Variants in DENND4C observed in about 807,000 individuals in gnomAD.
The protein encoded by DENND4C is DENN domain-containing protein 4C.
In DENND4C, 108 loss-of-function variants were observed where a neutral mutation model predicts 203.0. The ratio of observed to expected loss-of-function variants is 0.53; its 90% CI spans 0.46 to 0.62. The LOEUF (loss-of-function observed/expected upper bound fraction) is 0.62. Ranked by LOEUF, DENND4C falls within the 20% of genes least tolerant of loss-of-function variation. The pLI is 0.00. For synonymous variants in DENND4C, 871 were observed against 792.4 expected, an observed-to-expected ratio of 1.10 and a Z score of -1.67; for missense variants, 2,481 against 2,301.2, an observed-to-expected ratio of 1.08 and a Z score of -1.60.
Position 19,319,403 on chromosome 9 carries a change from T to TACACACATATATATATACATATATATAC in DENND4C, c.1807+2591_1807+2592insCACACACATATATATATACATATATATA, listed in dbSNP as rs1554634128. Among the ~76,000 whole-genome samples, 79 of 142,254 alleles carry TACACACATATATATATACATATATATAC rather than the reference T, an allele frequency of 5.6e-4. 1 individual carries two copies. The highest frequency in any genetic ancestry group is 3.6e-3 in the Middle Eastern group (1 of 276). The allele number at this position is 142,254 out of a possible 152,430, so 93.3% of individuals were successfully genotyped here. A position where few individuals can be genotyped will look rare whatever the true frequency, so the allele number is the denominator to read the frequency against. On this transcript the variant is annotated intron_variant, in intron 12 of 32. Transcript: ENST00000434457. The stretch of plus-strand genomic sequence containing the variant: ...ATACATATATATATACATATATATA[T>TACACACATATATATATACATATATATAC]ACACACATATATATATACATATATA...
In DENND4C at chr9:19,324,485, T is replaced by A. The variant is rs1248224437; in HGVS notation, c.1931T>A (p.Phe644Tyr). ...AGTGATAAAGATACTGGATTAGCAT[T>A]TTTTGATGACTGCATAGAAAAGGTA... ...FVSDKDTGLAFFDDCIEKLFP... is the reference protein window; with the variant it reads ...FVSDKDTGLAYFDDCIEKLFP... Residue 644 changes from phenylalanine to tyrosine, a missense_variant, in exon 13 of 33, where the codon TTT becomes TAT. By Grantham distance (22) the Phe-to-Tyr change is conservative. Transcript: ENST00000434457. 1.2e-6 allele frequency: 2 copies of A among 1,607,052 alleles called. No homozygotes were observed. The highest frequency in any genetic ancestry group is 3.5e-5 in the Admixed American group (2 of 57,056).
At chr9:19,339,049 A>T (rs1821070434) in intron 20 of DENND4C, among the ~76,000 whole-genome samples, 1 of 152,230 alleles carries the variant, frequency 6.6e-6, no homozygotes, top group Admixed American at 6.5e-5. Context: ...AGAATAATAC[A>T]GAAAACTCTC....
chr9:19,295,473 C>T (rs772152377), intron 5 of DENND4C, among the ~76,000 whole-genome samples: 105 of 151,762 alleles, frequency 6.9e-4, no homozygotes, highest in Non-Finnish European at 1.3e-3. Context: ...CCACTGTACT[C>T]CAGCCTGGGT....
chr9:19,313,547 C>G (rs1358260410), intron 10 of DENND4C, among the ~76,000 whole-genome samples: 1 of 152,162 alleles, frequency 6.6e-6, no homozygotes, highest in Non-Finnish European at 1.5e-5. Context: ...AAATATTAGA[C>G]AGCGATTACA....
At position 19,296,119 on chromosome 9, in the gene DENND4C, A is replaced by C; in HGVS notation, c.913A>C (p.Lys305Gln). The C allele has an allele frequency of 6.2e-7, 1 of 1,614,080 alleles. No homozygotes were observed. The change falls in exon 6 of 33, where the codon AAA (lysine) becomes CAA (glutamine). Residue 305 changes from lysine to glutamine, a missense_variant. By Grantham distance (53) the Lys-to-Gln change is moderately conservative (BLOSUM62 1). This residue lies in a region of DENND4C where 2,289 missense variants were observed against 2,113.3 expected (regional missense o/e 1.08). Transcript: ENST00000434457. ...LTPVERKMVS[K>Q]SINTNKCICL... ...GCCTGTGGAGAGAAAAATGGTCTCC[A>C]AATCCATCAATACAAACAAATGCAT...
At chr9:19,276,066 T>G in intron 1 of DENND4C, 92 bp from the exon 2 acceptor site, 1 of 553,346 alleles carries the variant, frequency 1.8e-6, no homozygotes, top group Non-Finnish European at 2.7e-6. Context: ...CTGGGAAGTG[T>G]GCTAGTTGAT....
intron 23 of DENND4C, among the ~76,000 whole-genome samples, chr9:19,349,127 G>C (rs956944655): frequency 6.6e-6 from 1 of 152,112 alleles, no homozygotes; most frequent in Non-Finnish European, 1.5e-5. Flanking sequence ...TTTTATTGAG[G>C]TTGGTTATGA....
intron 5 of DENND4C, 130 bp downstream of exon 5, chr9:19,291,006 A>G: frequency 1.1e-6 from 1 of 872,024 alleles, no homozygotes; most frequent in Non-Finnish European, 1.7e-6. Context: ...TTACACTGTC[A>G]TCCCCAAGGT....
At chr9:19,275,815 C>T (rs1012453287) in intron 1 of DENND4C, among the ~76,000 whole-genome samples, 2 of 152,062 alleles carry the variant, frequency 1.3e-5, no homozygotes. Flanking sequence ...CCAGGTTGGG[C>T]ACACTGGTCG....
intron 1 of DENND4C, among the ~76,000 whole-genome samples, chr9:19,269,912 A>T (rs182879082): frequency 4.6e-5 from 7 of 152,124 alleles, no homozygotes; most frequent in Non-Finnish European, 1.0e-4. Flanking sequence ...AAGCTTTCCA[A>T]GTATTCAAAG....
chr9:19,370,014 C>T, intron 31 of DENND4C, 27 bp downstream of exon 31: 1 of 1,608,206 alleles, frequency 6.2e-7, no homozygotes, highest in South Asian at 1.1e-5. Context: ...TTTTGCTTGC[C>T]ACCACTCAGT....
chr9:19,336,775 A>T lies in DENND4C; in HGVS notation c.2824A>T (p.Thr942Ser). ...SSNDANNGEH[T>S]VFVRDLIRLE... ...TAATGATGCTAACAATGGGGAGCAC[A>T]CAGTCTTCGTCAGAGATTTAATCAG... Residue 942 changes from threonine (T) to serine (S), a missense_variant, in exon 20 of 33, where the codon ACA becomes TCA. Thr to Ser is a moderately conservative substitution (Grantham distance 58). Around this residue, in one of 3 missense-constraint regions of DENND4C, gnomAD observed 2,289 missense variants for 2,113.3 expected, o/e 1.08. Transcript: ENST00000434457. The T allele has an allele frequency of 1.3e-6, 2 of 1,550,918 alleles. No homozygotes were observed. Among genetic ancestry groups the T allele is most frequent in the Non-Finnish European group, 1.7e-6 (2 of 1,147,030 alleles).
chr9:19,372,337 A>T lies in DENND4C; in HGVS notation c.*164A>T, dbSNP rs1015329935. ...TATGATTCATATTGCATTACCTTGA[A>T]ATATGAAGTGCCATTTGAATGTCCC... On this transcript the variant is annotated 3_prime_UTR_variant, in exon 33 of 33. Coordinates refer to ENST00000434457, the MANE Select transcript of DENND4C (RefSeq NM_001330640.2). 1 of 829,608 alleles carries T rather than the reference A, an allele frequency of 1.2e-6. No individual in the cohort carries two copies. The highest frequency in any genetic ancestry group is 1.8e-6 in the Non-Finnish European group (1 of 560,536). 51.4% of individuals were successfully genotyped at this position (829,608 alleles called of 1,614,324 possible).
intron 1 of DENND4C, among the ~76,000 whole-genome samples, chr9:19,250,833 G>A (rs898349385): frequency 6.6e-6 from 1 of 152,216 alleles, no homozygotes; most frequent in Non-Finnish European, 1.5e-5. Context: ...TGCAAGAAGT[G>A]GGTTCCCATG....
At chr9:19,322,701 C>T (rs941705394) in intron 12 of DENND4C, among the ~76,000 whole-genome samples, 2 of 138,068 alleles carry the variant, frequency 1.4e-5, no homozygotes, top group Admixed American at 1.6e-4. Context: ...GACTGCACTC[C>T]AGCCTGGGCA....
intron 2 of DENND4C, among the ~76,000 whole-genome samples, chr9:19,283,901 A>G (rs1395874105): frequency 6.6e-6 from 1 of 152,050 alleles, no homozygotes; most frequent in East Asian, 1.9e-4. Flanking sequence ...GCCCAGATGC[A>G]TTTCTTGAGA....
chr9:19,335,723 GTATA>G (rs1475203084), intron 18 of DENND4C, among the ~76,000 whole-genome samples: 1 of 151,980 alleles, frequency 6.6e-6, no homozygotes, highest in Non-Finnish European at 1.5e-5. Context: ...ATCTCGTTGT[GTATA>G]TATACCACAT....
chr9:19,305,249 A>G (rs955652803), intron 9 of DENND4C, 103 bp from the exon 10 acceptor site: 2 of 973,914 alleles, frequency 2.1e-6, no homozygotes, highest in Non-Finnish European at 3.0e-6. Flanking sequence ...AACAAAACAG[A>G]CTTAACTGCT....
At chr9:19,236,495 G>A (rs1250975816) in intron 1 of DENND4C, among the ~76,000 whole-genome samples, 1 of 152,182 alleles carries the variant, frequency 6.6e-6, no homozygotes, top group Non-Finnish European at 1.5e-5. Flanking sequence ...TGTCATGAAG[G>A]GTCTTACAGT....
Sources: gnomAD v4.1 joint callset for allele counts (sites outside exome capture counted in the v4.1 genomes callset) on GRCh38, gnomAD v4.1.1 for gene constraint, gnomAD v4.1.1 regional missense constraint, MANE v1.5 for transcripts, NCBI Gene and HGNC (gene_info 2026-07-23, HGNC 2026-07-21) for gene names.